Variants in PDZRN4 observed in about 807,000 individuals in gnomAD.
The protein encoded by PDZRN4 is PDZ domain-containing RING finger protein 4.
In PDZRN4, 70 loss-of-function variants were observed where a neutral mutation model predicts 99.0. That is an observed-to-expected ratio of 0.71 (90% CI 0.58 to 0.86). The LOEUF (loss-of-function observed/expected upper bound fraction) is 0.86. Among genes scored for constraint, PDZRN4 ranks in the 40% least tolerant of loss-of-function variants. PDZRN4 has a pLI of 0.00. For missense variants in PDZRN4, 1,474 were observed against 1,331.2 expected (o/e 1.11, Z -1.67); for synonymous variants, 551 against 501.6 (o/e 1.10, Z -1.32).
Position 41,327,383 on chromosome 12 carries a change from T to G in PDZRN4, c.843+133195T>G, listed in dbSNP as rs78051088. Among the ~76,000 whole-genome samples the G allele has an allele frequency of 3.2e-3, 489 of 152,308 alleles. 7 individuals are homozygous for G. Among genetic ancestry groups the G allele is most frequent in the African/African-American group, 0.011 (470 of 41,564 alleles). On this transcript the variant is annotated intron_variant, in intron 3 of 9. Transcript: ENST00000402685. ...TTACTTCTTTGCAAAATCTTTTCCC[T>G]CTGTACCTAAGACACCTAAGCTACA...
chr12:41,239,704 G>A (rs574381692), intron 3 of PDZRN4, among the ~76,000 whole-genome samples: 1 of 152,126 alleles, frequency 6.6e-6, no homozygotes, highest in East Asian at 1.9e-4. Context: ...ATTTTACGAA[G>A]CTTTAGAAAG....
At chr12:41,531,937 T>C (rs1938668151) in intron 5 of PDZRN4, among the ~76,000 whole-genome samples, 1 of 152,198 alleles carries the variant, frequency 6.6e-6, no homozygotes, top group Non-Finnish European at 1.5e-5. Context: ...GTTCCTAATT[T>C]TAATGCAGTA....
intron 3 of PDZRN4, among the ~76,000 whole-genome samples, chr12:41,388,977 T>C (rs1281095528): frequency 6.6e-6 from 1 of 152,060 alleles, no homozygotes; most frequent in Non-Finnish European, 1.5e-5. Context: ...GACTAACTGA[T>C]TGGCTTGTCA....
intron 3 of PDZRN4, among the ~76,000 whole-genome samples, chr12:41,359,180 A>AT (rs529315107): frequency 8.6e-5 from 13 of 150,930 alleles, no homozygotes; most frequent in East Asian, 1.9e-4. Context: ...AACTTCTAAC[A>AT]TTTTTTTTTA....
Position 41,506,469 on chromosome 12 carries a change from A to C in PDZRN4, c.857A>C (p.Asp286Ala), listed in dbSNP as rs553446584. 1 of 1,612,236 alleles carries C rather than the reference A, an allele frequency of 6.2e-7. No individual in the cohort carries two copies. Among genetic ancestry groups the C allele is most frequent in the African/African-American group, 1.3e-5 (1 of 75,008 alleles). ...ATATGTTTGTAGGTCAATGGGAAGGATCTTTCAAAGGCCACTCATGAAGAG... is the reference window on the plus strand; with the variant it reads ...ATATGTTTGTAGGTCAATGGGAAGGCTCTTTCAAAGGCCACTCATGAAGAG... Reference protein sequence around the residue: ...HDKIMEVNGKDLSKATHEEAV... With the variant: ...HDKIMEVNGKALSKATHEEAV... Residue 286 changes from aspartate to alanine, a missense_variant, in exon 4 of 10, where the codon GAT (aspartate) becomes GCT (alanine). Transcript: ENST00000402685.
chr12:41,375,112 C>T (rs530364838), intron 3 of PDZRN4, among the ~76,000 whole-genome samples: 3 of 152,218 alleles, frequency 2.0e-5, no homozygotes, highest in Non-Finnish European at 4.4e-5. Context: ...ACAGTAAATT[C>T]TCCAGTCTCA....
intron 3 of PDZRN4, among the ~76,000 whole-genome samples, chr12:41,452,054 G>T (rs1040528209): frequency 6.6e-6 from 1 of 151,836 alleles, no homozygotes; most frequent in Admixed American, 6.6e-5. Context: ...TTTCATATAG[G>T]GTTGGTTTCA....
chr12:41,515,200 T>A (rs1393928583), intron 5 of PDZRN4, among the ~76,000 whole-genome samples: 1 of 151,914 alleles, frequency 6.6e-6, no homozygotes, highest in Non-Finnish European at 1.5e-5. Context: ...GGAAGAAACA[T>A]GATGGGTATG....
chr12:41,303,255 G>A (rs1035512071), intron 3 of PDZRN4, among the ~76,000 whole-genome samples: 1 of 152,040 alleles, frequency 6.6e-6, no homozygotes, highest in African/African-American at 2.4e-5. Context: ...CCATGCCCTC[G>A]GCAAAATATG....
At chr12:41,339,676 G>C (rs558840045) in intron 3 of PDZRN4, among the ~76,000 whole-genome samples, 1 of 152,070 alleles carries the variant, frequency 6.6e-6, no homozygotes, top group African/African-American at 2.4e-5. Context: ...CTCTCCATCT[G>C]ACAAGGAATT....
chr12:41,239,908 G>T (rs1951091803), intron 3 of PDZRN4, among the ~76,000 whole-genome samples: 1 of 152,160 alleles, frequency 6.6e-6, no homozygotes, highest in African/African-American at 2.4e-5. Flanking sequence ...TCAGAGAAAA[G>T]ATATTTGATA....
intron 3 of PDZRN4, among the ~76,000 whole-genome samples, chr12:41,200,998 C>A (rs1023795602): frequency 6.6e-6 from 1 of 152,014 alleles, no homozygotes; most frequent in Admixed American, 6.6e-5. Flanking sequence ...TTTCTTCCAG[C>A]CTCTGCTATC....
chr12:41,383,703 C>T (rs1952142859), intron 3 of PDZRN4, among the ~76,000 whole-genome samples: 1 of 151,950 alleles, frequency 6.6e-6, no homozygotes, highest in African/African-American at 2.4e-5. Flanking sequence ...TAAATGTTTC[C>T]CCATAAGTTT....
intron 3 of PDZRN4, among the ~76,000 whole-genome samples, chr12:41,484,824 T>C (rs1395817124): frequency 6.6e-6 from 1 of 152,104 alleles, no homozygotes. Context: ...TGTTGACGTT[T>C]TCCCTCATTA....
chr12:41,383,912 A>G (rs925813378), intron 3 of PDZRN4, among the ~76,000 whole-genome samples: 9 of 150,052 alleles, frequency 6.0e-5, no homozygotes, highest in African/African-American at 1.7e-4. Context: ...TAATCAGTTC[A>G]TCATGATACA....
At chr12:41,390,944 A>G (rs1952206572) in intron 3 of PDZRN4, among the ~76,000 whole-genome samples, 1 of 152,198 alleles carries the variant, frequency 6.6e-6, no homozygotes, top group African/African-American at 2.4e-5. Flanking sequence ...GAACAATAAA[A>G]CAAACTGTGC....
chr12:41,380,960 C>G (rs1349677396), intron 3 of PDZRN4, among the ~76,000 whole-genome samples: 2 of 152,130 alleles, frequency 1.3e-5, no homozygotes, highest in Non-Finnish European at 2.9e-5. Context: ...GCCTTTATCT[C>G]TGTCTTCATG....
At chr12:41,420,037 G>T (rs1312775281) in intron 3 of PDZRN4, among the ~76,000 whole-genome samples, 3 of 152,072 alleles carry the variant, frequency 2.0e-5, no homozygotes, top group African/African-American at 7.2e-5. Context: ...TTGAGTACTT[G>T]ATTTATTTAT....
At chr12:41,320,711 T>G (rs1951671033) in intron 3 of PDZRN4, among the ~76,000 whole-genome samples, 1 of 149,486 alleles carries the variant, frequency 6.7e-6, no homozygotes, top group African/African-American at 2.4e-5. Context: ...TGTGAACATT[T>G]CATTGAATGA....
Sources: allele counts gnomAD v4.1 joint callset (sites outside exome capture counted in the v4.1 genomes callset), GRCh38; gene constraint gnomAD v4.1.1; transcripts MANE v1.5; gene names NCBI Gene and HGNC (gene_info 2026-07-23, HGNC 2026-07-21).